Variants in SPATA7 observed in about 807,000 individuals in gnomAD.
SPATA7 encodes the protein spermatogenesis associated 7.
A neutral mutation model predicts 51.8 loss-of-function variants in SPATA7; 43 were observed. The observed-to-expected ratio is 0.83, with a 90% CI of 0.65 to 1.07. The LOEUF (loss-of-function observed/expected upper bound fraction) is 1.07, where lower values mean the gene tolerates loss of function less well. Among genes scored for constraint, SPATA7 ranks in the 50% least tolerant of loss-of-function variants. The pLI is 0.00. For synonymous variants in SPATA7, 230 were observed against 252.8 expected, an observed-to-expected ratio of 0.91 and a Z score of 0.86; for missense variants, 683 against 701.3, an observed-to-expected ratio of 0.97 and a Z score of 0.30.
chr14:88,430,576 T>C (rs1309729984), intron 8 of SPATA7, among the ~76,000 whole-genome samples: 1 of 152,180 alleles, frequency 6.6e-6, no homozygotes, highest in African/African-American at 2.4e-5. Flanking sequence ...TTCATAATAA[T>C]GTATCTATAT....
intron 4 of SPATA7, among the ~76,000 whole-genome samples, chr14:88,399,356 A>T (rs569171554): frequency 6.6e-6 from 1 of 152,308 alleles, no homozygotes; most frequent in East Asian, 1.9e-4. Flanking sequence ...ACCTTCGTGT[A>T]GGCTGTCATA....
At chr14:88,452,950 T>A (rs142452429) in intron 3 of SPATA7, among the ~76,000 whole-genome samples, 278 of 152,322 alleles carry the variant, frequency 1.8e-3, no homozygotes, top group African/African-American at 6.6e-3. Flanking sequence ...GCTCAGGGTA[T>A]CATTTCCTCT....
chr14:88,396,258 CA>C, intron 4 of SPATA7, 55 bp downstream of exon 4: 1 of 1,284,370 alleles, frequency 7.8e-7, no homozygotes, highest in Non-Finnish European at 1.1e-6. Context: ...GGTAAATATA[CA>C]TAACATAAAA....
At chr14:88,468,036 G>T in intron 4 of SPATA7, 1 of 1,427,948 alleles carries the variant, frequency 7.0e-7, no homozygotes, top group Non-Finnish European at 9.8e-7. Flanking sequence ...GTGCCACGCT[G>T]CGTGGATCAA....
chr14:88,467,898 G>T, intron 4 of SPATA7: 1 of 582,152 alleles, frequency 1.7e-6, no homozygotes, highest in East Asian at 3.1e-5. Flanking sequence ...GACAGACCGG[G>T]GCAGGGCAAG....
Position 88,396,169 on chromosome 14 carries a change from C to T in SPATA7, c.204C>T (p.Cys68=). 6.2e-7 allele frequency: 1 copy of T among 1,610,438 alleles called. No homozygotes were observed. Among genetic ancestry groups the T allele is most frequent in the African/African-American group, 1.3e-5 (1 of 74,826 alleles). Reference sequence around the variant, plus strand: ...TTTCTCTTTCAGCTGCAGTAGACTGCTCGGTTCCAGTAAGCGTGAGTACCA... The same window carrying T: ...TTTCTCTTTCAGCTGCAGTAGACTGTTCGGTTCCAGTAAGCGTGAGTACCA... ...KILSAKAAVD[C]SVPVSVSTSI... The change falls in exon 4 of 12, where the codon TGC becomes TGT. Residue 68 remains cysteine, a synonymous_variant. Coordinates refer to ENST00000393545, the MANE Select transcript of SPATA7 (RefSeq NM_018418.5).
In SPATA7 at chr14:88,469,425, G is replaced by C; in HGVS notation, c.255-422G>C. The C allele has an allele frequency of 7.8e-7, 1 of 1,279,566 alleles. No homozygotes were observed. Among genetic ancestry groups the C allele is most frequent in the East Asian group, 2.3e-5 (1 of 43,034 alleles). 79.3% of individuals were successfully genotyped at this position (1,279,566 alleles called of 1,614,324 possible). A position where few individuals can be genotyped will look rare whatever the true frequency, so the allele number is the denominator to read the frequency against. The stretch of plus-strand genomic sequence containing the variant: ...TGAGATAACATAAAGGAAATATTTC[G>C]GAAACATAAATGTTCCTCTCTGTTT... On this transcript the variant is annotated intron_variant, in intron 4 of 4. Transcript: ENST00000556406. This position sits in a 1 kb window ranked among gnomAD's most constrained non-coding sequence, Gnocchi z 4.3.
At chr14:88,423,376 AAAAAAAAAAAAAAAATACAAG>A (rs1260329662) in intron 5 of SPATA7, among the ~76,000 whole-genome samples, 1 of 145,654 alleles carries the variant, frequency 6.9e-6, no homozygotes, top group East Asian at 2.0e-4. Context: ...CATCTCTACA[AAAAAAAAAAAAAAAATACAAG>A]AAAAAAAAAA....
intron 4 of SPATA7, among the ~76,000 whole-genome samples, chr14:88,413,859 G>C (rs1445945852): frequency 6.6e-6 from 1 of 151,954 alleles, no homozygotes; most frequent in Non-Finnish European, 1.5e-5. Context: ...CGCATTTATT[G>C]ATTTGCATAT....
At chr14:88,467,969 G>A in intron 4 of SPATA7, 1 of 897,798 alleles carries the variant, frequency 1.1e-6, no homozygotes, top group Non-Finnish European at 1.8e-6. Context: ...TCTTCAGCCT[G>A]TGCTTCGCAC....
intron 4 of SPATA7, among the ~76,000 whole-genome samples, chr14:88,412,661 A>G (rs1370345340): frequency 2.0e-5 from 3 of 152,110 alleles, no homozygotes; most frequent in African/African-American, 4.8e-5. Flanking sequence ...AATCCAATCA[A>G]GTTGACATTC....
chr14:88,466,256 A>AT (rs577651830), intron 4 of SPATA7: 1 of 152,098 alleles, frequency 6.6e-6, no homozygotes. Context: ...ACAAAATGTA[A>AT]TTTTTTAATT....
chr14:88,427,551 T>C (rs2076830358), intron 6 of SPATA7, 79 bp from the exon 7 acceptor site: 13 of 928,682 alleles, frequency 1.4e-5, no homozygotes, highest in Admixed American at 1.1e-4. Context: ...TTGAGTTTAT[T>C]TTTTCTAGCC....
rs578085441 is a variant in SPATA7, at chr14:88,426,825, G to A, written c.845+121G>A. ...CTGATAGTGCCCTTTTGATTGGAAT[G>A]AGATGAATGTGACTTTTCCTTTTCC... On this transcript the variant is annotated intron_variant, in intron 6 of 11. Coordinates refer to ENST00000393545, the MANE Select transcript of SPATA7 (RefSeq NM_018418.5). 1.8e-5 allele frequency: 16 copies of A among 897,710 alleles called. No homozygotes were observed. In the African/African-American group the frequency reaches 2.7e-4, roughly 15 times the overall value. The allele number at this position is 897,710 out of a possible 1,614,324, so 55.6% of individuals were successfully genotyped here.
rs575723162 is a variant in SPATA7 at position 88,432,846 on chromosome 14, G to A, written c.1083-289G>A. 9.6e-5 allele frequency: 27 copies of A among 280,754 alleles called. No individual in the cohort carries two copies. In the East Asian group the frequency reaches 1.3e-3, roughly 14 times the overall value. The allele number at this position is 280,754 out of a possible 1,614,324, so 17.4% of individuals were successfully genotyped here. A position where few individuals can be genotyped will look rare whatever the true frequency, so the allele number is the denominator to read the frequency against. The stretch of plus-strand genomic sequence containing the variant: ...TGCATTTGATTGCGCCTTGTCCTTC[G>A]TTGCTTTCTTTTTGTGTTGTTTAAT... On this transcript the variant is annotated intron_variant, in intron 9 of 11. Coordinates refer to ENST00000393545, the MANE Select transcript of SPATA7 (RefSeq NM_018418.5).
rs763041877 is a variant in SPATA7, at chr14:88,426,315, C to G, written c.456C>G (p.Pro152=). The G allele has an allele frequency of 1.9e-6, 3 of 1,614,052 alleles. No homozygotes were observed. Among genetic ancestry groups the G allele is most frequent in the Non-Finnish European group, 2.5e-6 (3 of 1,179,972 alleles). The part of the protein sequence containing the change: ...GFSSFARSLV[P]SSERLHLSLH... ...CATCCTTTGCAAGGTCACTAGTACC[C>G]TCTTCAGAGAGACTACACCTAAGTC... Residue 152 remains proline, a synonymous_variant, in exon 6 of 12, where the codon CCC becomes CCG. Transcript: ENST00000393545.
chr14:88,390,104 A>G (rs2139861182), intron 1 of SPATA7, among the ~76,000 whole-genome samples: 1 of 152,300 alleles, frequency 6.6e-6, no homozygotes, highest in Non-Finnish European at 1.5e-5. Flanking sequence ...CCTCATCTAT[A>G]AAGTAGGGAG....
At chr14:88,407,588 C>T (rs964069267) in intron 4 of SPATA7, among the ~76,000 whole-genome samples, 1 of 152,134 alleles carries the variant, frequency 6.6e-6, no homozygotes, top group African/African-American at 2.4e-5. Flanking sequence ...GTTTCTTTTG[C>T]TGTGCAGAAG....
At position 88,426,536 on chromosome 14, in the gene SPATA7, T is replaced by G. The variant is rs531702228; in HGVS notation, c.677T>G (p.Leu226Trp). 2 of 1,614,230 alleles carry G rather than the reference T, an allele frequency of 1.2e-6. No individual in the cohort carries two copies. Among genetic ancestry groups the G allele is most frequent in the Admixed American group, 1.7e-5 (1 of 60,032 alleles). ...TCGAAAGCACCCAGTGGGGATCTTT[T>G]GGATAAACATTCTGAACTCTTTTCT... ...VISKAPSGDL[L>W]DKHSELFSNK... Residue 226 changes from leucine to tryptophan, a missense_variant, in exon 6 of 12, where the codon TTG becomes TGG. Coordinates refer to ENST00000393545, the MANE Select transcript of SPATA7 (RefSeq NM_018418.5).
Sources: gnomAD v4.1 joint callset for allele counts (sites outside exome capture counted in the v4.1 genomes callset) on GRCh38, gnomAD v4.1.1 for gene constraint, Gnocchi (gnomAD v3.1) non-coding constraint, MANE v1.5 for transcripts, NCBI Gene and HGNC (gene_info 2026-07-23, HGNC 2026-07-21) for gene names.